The following PSMD2 variants were observed in gnomAD, a reference collection of about 807,000 sequenced individuals.
The protein encoded by PSMD2 is proteasome 26S subunit ubiquitin receptor, non-ATPase 2.
Under a neutral mutation model 101.5 loss-of-function variants are expected in PSMD2, and 8 were observed. The observed-to-expected ratio is 0.08, with a 90% confidence interval of 0.05 to 0.14. The LOEUF is 0.14. Ranked by LOEUF, PSMD2 falls within the 10% of genes least tolerant of loss-of-function variation. The probability of loss-of-function intolerance (pLI) is 1.00; values close to 1 mark genes in which losing one functional copy is unlikely to be tolerated. For synonymous variants in PSMD2, 418 were observed against 433.8 expected (o/e 0.96, Z 0.45); for missense variants, 784 against 1,147.4 (o/e 0.68, Z 4.58).
chr3:184,301,540 T>G lies in PSMD2; in HGVS notation c.361T>G (p.Phe121Val). The G allele has an allele frequency of 6.2e-7, 1 of 1,613,606 alleles. No homozygotes were observed. The highest frequency in any genetic ancestry group is 8.5e-7 in the Non-Finnish European group (1 of 1,179,870). ...CAAAGAACTCTTTTCTTTATAGCGT[T>G]TTGCTGCTGACATCATCTCCGTTTT... Reference protein sequence around the residue: ...ENMAPGENKRFAADIISVLAM... With the variant: ...ENMAPGENKRVAADIISVLAM... Residue 121 changes from phenylalanine to valine, a missense_variant, in exon 4 of 21, where the codon TTT becomes GTT. By Grantham distance (50) the Phe-to-Val change is conservative. Transcript: ENST00000310118.
chr3:184,300,780 T>A, intron 3 of PSMD2: 2 of 515,180 alleles, frequency 3.9e-6, no homozygotes, highest in Non-Finnish European at 5.2e-6. Flanking sequence ...CTCTGCCTGC[T>A]GGTACAACCC....
rs1721674003 is a variant in PSMD2 at position 184,302,313 on chromosome 3, A to AG, written c.705-57_705-56insG. On this transcript the variant is annotated intron_variant, in intron 5 of 20. Coordinates refer to ENST00000310118, the MANE Select transcript of PSMD2 (RefSeq NM_002808.5). Reference sequence around the variant, plus strand: ...TTATTTATTTTGGGTAAGTGAATTCATGGGGAAAATGAGTGCCTGGGACTT... The same window carrying AG: ...TTATTTATTTTGGGTAAGTGAATTCAGTGGGGAAAATGAGTGCCTGGGACTT... 34 of 1,416,006 alleles carry AG rather than the reference A, an allele frequency of 2.4e-5. 2 individuals are homozygous for AG. In the South Asian group the frequency reaches 2.6e-4, roughly 11 times the overall value. The allele number at this position is 1,416,006 out of a possible 1,614,324, so 87.7% of individuals were successfully genotyped here.
intron 2 of PSMD2, 98 bp from the exon 3 acceptor site, chr3:184,300,182 A>G: frequency 7.9e-7 from 1 of 1,257,960 alleles, no homozygotes; most frequent in South Asian, 1.4e-5. Flanking sequence ...AATAAGACAC[A>G]GCATTTCCTT....
Position 184,301,612 on chromosome 3 carries a change from G to C in PSMD2, c.433G>C (p.Val145Leu). ...GERECLKYRL[V>L]GSQEELASWG... ...GCGTGAGTGCCTCAAGTATCGGCTA[G>C]TGGGCTCCCAGGAGGAATTGGCATC... Residue 145 changes from valine (V) to leucine (L), a missense_variant, in exon 4 of 21, where the codon GTG becomes CTG. This residue lies in a region of PSMD2 where 208 missense variants were observed against 301.6 expected (regional missense o/e 0.69). Coordinates refer to ENST00000310118, the MANE Select transcript of PSMD2 (RefSeq NM_002808.5). 6.2e-7 allele frequency: 1 copy of C among 1,613,816 alleles called. No homozygotes were observed. Among genetic ancestry groups the C allele is most frequent in the Non-Finnish European group, 8.5e-7 (1 of 1,179,978 alleles).
intron 9 of PSMD2, 32 bp downstream of exon 9, chr3:184,303,498 T>C: frequency 1.2e-6 from 2 of 1,611,624 alleles, no homozygotes; most frequent in South Asian, 2.2e-5. Flanking sequence ...GTCTTTTGTT[T>C]TGCTTTGATC....
At position 184,299,364 on chromosome 3, in the gene PSMD2, G is replaced by T. The variant is rs949655355; in HGVS notation, c.98G>T (p.Arg33Leu). The T allele has an allele frequency of 1.4e-6, 2 of 1,406,058 alleles. No individual in the cohort carries two copies. Among genetic ancestry groups the T allele is most frequent in the Non-Finnish European group, 1.8e-6 (2 of 1,083,126 alleles). The allele number at this position is 1,406,058 out of a possible 1,614,324, so 87.1% of individuals were successfully genotyped here. The change falls in exon 1 of 21, where the codon CGG becomes CTG. Residue 33 changes from arginine to leucine, a missense_variant. By Grantham distance (102) the Arg-to-Leu change is moderately radical. Coordinates refer to ENST00000310118, the MANE Select transcript of PSMD2 (RefSeq NM_002808.5). The part of the protein sequence containing the change: ...GTDEKPSGKE[R>L]RDAGDKDKEQ... ...GACGAGAAGCCGAGCGGCAAGGAGCGGCGGGATGCCGGGGACAAGGACAAA... is the reference window on the plus strand; with the variant it reads ...GACGAGAAGCCGAGCGGCAAGGAGCTGCGGGATGCCGGGGACAAGGACAAA...
intron 7 of PSMD2, 25 bp from the exon 8 acceptor site, chr3:184,302,977 T>C (rs776444839): frequency 1.2e-6 from 2 of 1,613,964 alleles, no homozygotes; most frequent in Admixed American, 1.7e-5. Context: ...AGGGAAGCAA[T>C]TGTGACCCTC....
rs775642103 is a variant in PSMD2 at position 184,299,869 on chromosome 3, C to T, written c.154C>T (p.Leu52Phe). 39 of 1,613,894 alleles carry T rather than the reference C, an allele frequency of 2.4e-5. No individual in the cohort carries two copies. Among genetic ancestry groups the T allele is most frequent in the East Asian group, 6.7e-5 (3 of 44,884 alleles). Residue 52 changes from leucine to phenylalanine, a missense_variant, in exon 2 of 21, where the codon CTT becomes TTT. Coordinates refer to ENST00000310118, the MANE Select transcript of PSMD2 (RefSeq NM_002808.5). ...CCTCCAGTCTGAAGAGGATAAACAG[C>T]TTCAAGATGAACTGGAGATGCTCGT... ...EQELSEEDKQLQDELEMLVER... is the reference protein window; with the variant it reads ...EQELSEEDKQFQDELEMLVER...
Position 184,299,484 on chromosome 3 carries a change from A to G in PSMD2, c.135+83A>G, listed in dbSNP as rs114478890. 329 of 1,306,952 alleles carry G rather than the reference A, an allele frequency of 2.5e-4. No individual in the cohort carries two copies. The African/African-American group carries it at 4.7e-3, about 19-fold the overall frequency. The allele number at this position is 1,306,952 out of a possible 1,614,324, so 81.0% of individuals were successfully genotyped here. A position where few individuals can be genotyped will look rare whatever the true frequency, so the allele number is the denominator to read the frequency against. ...CCGCAGGCCTCAGGCCCGACACCCA[A>G]CTACCCCACCGCGCCAGGGAGAGGG... On this transcript the variant is annotated intron_variant, in intron 1 of 20. Transcript: ENST00000310118.
intron 8 of PSMD2, 105 bp from the exon 9 acceptor site, chr3:184,303,215 T>C (rs892356443): frequency 6.6e-7 from 1 of 1,513,146 alleles, no homozygotes; most frequent in Admixed American, 1.7e-5. Flanking sequence ...AGGTAGAGGA[T>C]ACTAAGGGAC....
intron 8 of PSMD2, 114 bp downstream of exon 8, chr3:184,303,176 C>G: frequency 6.7e-7 from 1 of 1,503,538 alleles, no homozygotes; most frequent in Non-Finnish European, 9.2e-7. Flanking sequence ...CCTCATGAAT[C>G]TTTTTCAGGT....
At position 184,306,113 on chromosome 3, in the gene PSMD2, C is replaced by T. The variant is rs778492670; in HGVS notation, c.1762C>T (p.Arg588Cys). The T allele has an allele frequency of 4.3e-6, 7 of 1,614,182 alleles. No homozygotes were observed. Among genetic ancestry groups the T allele is most frequent in the East Asian group, 2.2e-5 (1 of 44,890 alleles). ...ACTGGAGGTTGTGTCAGAGCCATTC[C>T]GCAGTTTTGCCAACACACTGGTGGA... ...AALEVVSEPF[R>C]SFANTLVDVC... The change falls in exon 14 of 21, where the codon CGC (arginine) becomes TGC (cysteine). Residue 588 changes from arginine to cysteine, a missense_variant. Arg to Cys is a radical substitution (Grantham distance 180, BLOSUM62 -3). Transcript: ENST00000310118.
At chr3:184,301,464 C>G in intron 3 of PSMD2, 73 bp from the exon 4 acceptor site, 1 of 1,560,368 alleles carries the variant, frequency 6.4e-7, no homozygotes, top group Non-Finnish European at 8.8e-7. Flanking sequence ...AGACAATGAT[C>G]TTGATTCCAC....
chr3:184,303,291 CCTTA>C, intron 8 of PSMD2, 25 bp from the exon 9 acceptor site: 1 of 1,602,378 alleles, frequency 6.2e-7, no homozygotes, highest in Non-Finnish European at 8.5e-7. Flanking sequence ...AACCTTCTTT[CCTTA>C]CTTTTCCTCT....
At chr3:184,306,893 G>T in intron 16 of PSMD2, 59 bp downstream of exon 16, 1 of 1,406,618 alleles carries the variant, frequency 7.1e-7, no homozygotes, top group Non-Finnish European at 9.8e-7. Context: ...GGGTTCCCCA[G>T]GGAAGATTTT....
chr3:184,306,169 T>A lies in PSMD2; in HGVS notation c.1804+14T>A, dbSNP rs749344239. 5.6e-6 allele frequency: 9 copies of A among 1,613,846 alleles called. No individual in the cohort carries two copies. The highest frequency in any genetic ancestry group is 6.8e-6 in the Non-Finnish European group (8 of 1,179,676). ...GTGCATATGCAGGTCTGTGTCTTTA[T>A]GAGTCTGTCTTGTGCTTCCCCAGTG... On this transcript the variant is annotated intron_variant, in intron 14 of 20. Transcript: ENST00000310118.
chr3:184,300,212 A>C (rs766001189), intron 2 of PSMD2, 68 bp from the exon 3 acceptor site: 1 of 1,437,704 alleles, frequency 7.0e-7, no homozygotes, highest in East Asian at 2.3e-5. Flanking sequence ...GTTAAGTTAA[A>C]TATCTCTGTA....
intron 12 of PSMD2, among the ~76,000 whole-genome samples, chr3:184,305,487 CAAAAAAAA>C (rs200304556): frequency 8.9e-6 from 1 of 112,038 alleles, no homozygotes. Context: ...GACTCTGTCT[CAAAAAAAA>C]AAAAAAAAAA....
At chr3:184,301,766 C>G in intron 4 of PSMD2, 81 bp from the exon 5 acceptor site, 1 of 1,608,860 alleles carries the variant, frequency 6.2e-7, no homozygotes, top group South Asian at 1.1e-5. Context: ...TATTGAATTT[C>G]CCAGACGCTG....
Sources: allele counts gnomAD v4.1 joint callset (sites outside exome capture counted in the v4.1 genomes callset), GRCh38; gene constraint gnomAD v4.1.1; regional missense constraint gnomAD v4.1.1; transcripts MANE v1.5; gene names NCBI Gene and HGNC (gene_info 2026-07-23, HGNC 2026-07-21).